The following MPRIP variants were observed in gnomAD, a reference collection of about 807,000 sequenced individuals.
MPRIP encodes myosin phosphatase Rho interacting protein, also known as myosin phosphatase Rho-interacting protein.
Under a neutral mutation model 234.9 loss-of-function variants are expected in MPRIP, and 59 were observed. That is an observed-to-expected ratio of 0.25 (90% CI 0.20 to 0.31). The LOEUF (loss-of-function observed/expected upper bound fraction) is 0.31, where lower values mean the gene tolerates loss of function less well. Among genes scored for constraint, MPRIP ranks in the 10% least tolerant of loss-of-function variants. The pLI, the probability that MPRIP is intolerant of heterozygous loss-of-function variation, is 1.00. For missense variants in MPRIP, 2,436 were observed against 3,071.0 expected (o/e 0.79, Z 4.89); for synonymous variants, 1,144 against 1,263.9 (o/e 0.91, Z 2.01).
chr17:17,179,877 G>A (rs766675721), intron 22 of MPRIP, 126 bp from the exon 23 acceptor site: 12 of 744,840 alleles, frequency 1.6e-5, no homozygotes, highest in Non-Finnish European at 2.8e-5. Flanking sequence ...CCTTAGAGTT[G>A]TTTAAGGAAT....
intron 1 of MPRIP, among the ~76,000 whole-genome samples, chr17:17,053,343 C>A (rs1398902518): frequency 6.6e-6 from 1 of 152,110 alleles, no homozygotes; most frequent in Non-Finnish European, 1.5e-5. Flanking sequence ...AATAATAGTA[C>A]CCATGGCTTT....
chr17:17,064,124 C>T (rs539852621), intron 1 of MPRIP, among the ~76,000 whole-genome samples: 4 of 152,120 alleles, frequency 2.6e-5, no homozygotes, highest in East Asian at 3.9e-4. Context: ...GAAGAAGGCC[C>T]GTGGCCATAC....
intron 1 of MPRIP, among the ~76,000 whole-genome samples, chr17:17,050,031 C>T (rs1440720858): frequency 1.3e-5 from 2 of 149,882 alleles, no homozygotes; most frequent in African/African-American, 4.9e-5. Flanking sequence ...ACTAAAAATA[C>T]AATAAATTAG....
intron 12 of MPRIP, among the ~76,000 whole-genome samples, chr17:17,151,636 G>C (rs2045605616): frequency 1.3e-5 from 2 of 152,230 alleles, no homozygotes; most frequent in South Asian, 4.1e-4. Flanking sequence ...GGCCAGGCCA[G>C]CCTCTACCCT....
At chr17:17,155,214 CA>C (rs2045699948) in intron 13 of MPRIP, among the ~76,000 whole-genome samples, 1 of 150,904 alleles carries the variant, frequency 6.6e-6, no homozygotes, top group African/African-American at 2.4e-5. Context: ...GGCAATGTCA[CA>C]GCGGGGGCTG....
intron 1 of MPRIP, among the ~76,000 whole-genome samples, chr17:17,072,351 C>T (rs1451250742): frequency 6.6e-6 from 1 of 152,170 alleles, no homozygotes; most frequent in Non-Finnish European, 1.5e-5. Context: ...GGCCGGTGGG[C>T]ACTCACCTCC....
At chr17:17,145,909 TTG>T in intron 9 of MPRIP, 125 bp from the exon 10 acceptor site, 1 of 896,480 alleles carries the variant, frequency 1.1e-6, no homozygotes, top group Non-Finnish European at 1.8e-6. Context: ...CTGCACAGGC[TTG>T]TCTGGCAGGT....
chr17:17,046,040 C>T (rs1215569200), intron 1 of MPRIP, among the ~76,000 whole-genome samples: 2 of 152,294 alleles, frequency 1.3e-5, no homozygotes, highest in East Asian at 1.9e-4. Flanking sequence ...CTCCTGACCT[C>T]GTGATCCGCC....
At chr17:17,162,186 G>T (rs1464543282) in intron 15 of MPRIP, among the ~76,000 whole-genome samples, 3 of 152,192 alleles carry the variant, frequency 2.0e-5, no homozygotes, top group African/African-American at 7.2e-5. Context: ...AAGGTCCTAG[G>T]TTCAAGACTT....
In MPRIP at chr17:17,164,132, G is replaced by A. The variant is rs764812305; in HGVS notation, c.2541G>A (p.Ser847=). ...VLQTEVAASP[S]GAWQRLHRVN... ...AGACTGAAGTGGCCGCCTCCCCATC[G>A]GGTGCCTGGCAGAGGCTCCATAGAG... The change falls in exon 16 of 24, where the codon TCG becomes TCA. Residue 847 remains serine, a synonymous_variant. Coordinates refer to ENST00000651222, the MANE Select transcript of MPRIP (RefSeq NM_001364716.4). 4.4e-5 allele frequency: 57 copies of A among 1,303,970 alleles called. No individual in the cohort carries two copies. The highest frequency in any genetic ancestry group is 6.9e-5 in the Admixed American group (3 of 43,544). The allele number at this position is 1,303,970 out of a possible 1,614,324, so 80.8% of individuals were successfully genotyped here.
At chr17:17,161,134 C>T in intron 14 of MPRIP, 106 bp from the exon 15 acceptor site, 1 of 737,028 alleles carries the variant, frequency 1.4e-6, no homozygotes, top group Non-Finnish European at 2.2e-6. Context: ...GTGGAGACTC[C>T]AAAACTCTTG....
intron 16 of MPRIP, chr17:17,169,090 T>C (rs1416301889): frequency 2.3e-6 from 1 of 437,674 alleles, no homozygotes. Context: ...TCACCATTCT[T>C]TCCCCAAATC....
chr17:17,096,817 T>C (rs1260798756), intron 3 of MPRIP: 16 of 471,040 alleles, frequency 3.4e-5, no homozygotes, highest in South Asian at 2.3e-4. Flanking sequence ...ACAAGGGAGC[T>C]TGGATTCATT....
rs1181355801 is a variant in MPRIP at position 17,164,169 on chromosome 17, C to T, written c.2578C>T (p.Leu860Phe). The change falls in exon 16 of 24, where the codon CTT becomes TTT. Residue 860 changes from leucine (L) to phenylalanine (F), a missense_variant. By Grantham distance (22) the Leu-to-Phe change is conservative. Around this residue, in one of 4 missense-constraint regions of MPRIP, gnomAD observed 1,998 missense variants for 2,520.3 expected, o/e 0.79. Transcript: ENST00000651222. ...WQRLHRVNQD[L>F]QSELEAQCQR... ...GAGGCTCCATAGAGTCAACCAAGACCTTCAAAGTGAGCTTGAAGCCCAGTG... is the reference window on the plus strand; with the variant it reads ...GAGGCTCCATAGAGTCAACCAAGACTTTCAAAGTGAGCTTGAAGCCCAGTG... 4 of 1,304,320 alleles carry T rather than the reference C, an allele frequency of 3.1e-6. No homozygotes were observed. Among genetic ancestry groups the T allele is most frequent in the Non-Finnish European group, 4.0e-6 (4 of 988,988 alleles). 80.8% of individuals were successfully genotyped at this position (1,304,320 alleles called of 1,614,324 possible).
At chr17:17,106,440 C>T (rs1205296691) in intron 3 of MPRIP, among the ~76,000 whole-genome samples, 1 of 152,228 alleles carries the variant, frequency 6.6e-6, no homozygotes, top group African/African-American at 2.4e-5. Context: ...AGTTGAGCCT[C>T]CACCACTTCA....
intron 20 of MPRIP, among the ~76,000 whole-genome samples, chr17:17,175,939 G>A (rs11870335): frequency 0.023 from 3,453 of 152,308 alleles, 103 homozygotes; most frequent in Middle Eastern, 0.085. Context: ...TCGTGGAGCC[G>A]CCTCCTGGCA....
At chr17:17,090,040 G>T (rs978344782) in intron 3 of MPRIP, among the ~76,000 whole-genome samples, 1 of 152,212 alleles carries the variant, frequency 6.6e-6, no homozygotes, top group Non-Finnish European at 1.5e-5. Context: ...CCAGGGGGAG[G>T]TGGGGAGACG....
chr17:17,142,761 A>C lies in MPRIP; in HGVS notation c.1385A>C (p.Lys462Thr). The change falls in exon 8 of 24, where the codon AAG (lysine) becomes ACG (threonine). Residue 462 changes from lysine to threonine, a missense_variant. Around this residue, in one of 4 missense-constraint regions of MPRIP, gnomAD observed 267 missense variants for 252.7 expected, o/e 1.06. Transcript: ENST00000651222. The stretch of plus-strand genomic sequence containing the variant: ...AGCGAGAAGAGGGCGTTCCCTAGGA[A>C]GCGGGTGAGCTCCTGGGGCTGGGCA... ...GRSEKRAFPR[K>T]RDFTNEAPPA... 6.2e-7 allele frequency: 1 copy of C among 1,612,226 alleles called. No individual in the cohort carries two copies. Among genetic ancestry groups the C allele is most frequent in the Non-Finnish European group, 8.5e-7 (1 of 1,179,680 alleles).
intron 1 of MPRIP, among the ~76,000 whole-genome samples, chr17:17,069,315 A>C (rs1270402795): frequency 1.3e-5 from 2 of 152,100 alleles, no homozygotes; most frequent in Non-Finnish European, 2.9e-5. Context: ...GCCTGTCATC[A>C]TTATATTTGC....
Sources: gnomAD v4.1 joint callset for allele counts (sites outside exome capture counted in the v4.1 genomes callset) on GRCh38, gnomAD v4.1.1 for gene constraint, gnomAD v4.1.1 regional missense constraint, MANE v1.5 for transcripts, NCBI Gene and HGNC (gene_info 2026-07-23, HGNC 2026-07-21) for gene names.